The following NOS1AP variants were observed in gnomAD, a reference collection of about 807,000 sequenced individuals.
NOS1AP encodes the protein carboxyl-terminal PDZ ligand of neuronal nitric oxide synthase protein.
Under a neutral mutation model 56.2 loss-of-function variants are expected in NOS1AP, and 21 were observed. That is an observed-to-expected ratio of 0.37 (90% CI 0.26 to 0.54). The LOEUF is 0.54. Ranked by LOEUF, NOS1AP falls within the 20% of genes least tolerant of loss-of-function variation. The pLI is 0.84. For synonymous variants in NOS1AP, 270 were observed against 274.6 expected (o/e 0.98, Z 0.17); for missense variants, 522 against 657.8 (o/e 0.79, Z 2.26).
At position 162,082,936 on chromosome 1, in the gene NOS1AP, G is replaced by A. The variant is rs1395485023; in HGVS notation, c.105+12654G>A. 3.3e-4 allele frequency among the ~76,000 whole-genome samples: 2 copies of A among 6,014 alleles called. 1 individual carries two copies. The highest frequency in any genetic ancestry group is 3.5e-4 in the African/African-American group (2 of 5,662). 3.9% of individuals were successfully genotyped at this position (6,014 alleles called of 152,430 possible). A position where few individuals can be genotyped will look rare whatever the true frequency, so the allele number is the denominator to read the frequency against. On this transcript the variant is annotated intron_variant, in intron 1 of 9. Transcript: ENST00000361897. ...TTTTGAGACGGAGTCTCCCTCTGTC[G>A]CCCAGGCTGGAGTGCAGTGGCGGGA...
At chr1:162,258,602 G>A (rs1206860134) in intron 2 of NOS1AP, among the ~76,000 whole-genome samples, 1 of 152,092 alleles carries the variant, frequency 6.6e-6, no homozygotes, top group East Asian at 1.9e-4. Context: ...CTCCCCATGG[G>A]CTGAACCCTT....
intron 2 of NOS1AP, among the ~76,000 whole-genome samples, chr1:162,174,198 G>T (rs986192536): frequency 3.3e-5 from 5 of 152,122 alleles, no homozygotes; most frequent in Admixed American, 3.3e-4. Context: ...AGAAAATGTG[G>T]CACATATACA....
At chr1:162,150,835 G>A (rs1307082293) in intron 1 of NOS1AP, among the ~76,000 whole-genome samples, 2 of 151,868 alleles carry the variant, frequency 1.3e-5, no homozygotes, top group Non-Finnish European at 2.9e-5. Flanking sequence ...GAGTTGTTTG[G>A]GCTTCTTATA....
intron 6 of NOS1AP, among the ~76,000 whole-genome samples, chr1:162,351,730 T>G (rs1657503045): frequency 6.6e-6 from 1 of 152,158 alleles, no homozygotes; most frequent in African/African-American, 2.4e-5. Context: ...TGTCCCTATG[T>G]CTCCCCCCGA....
intron 2 of NOS1AP, among the ~76,000 whole-genome samples, chr1:162,223,743 T>G (rs1652856671): frequency 6.6e-6 from 1 of 152,210 alleles, no homozygotes; most frequent in Non-Finnish European, 1.5e-5. Flanking sequence ...TTATTAAAAT[T>G]TCAAAGCATG....
At chr1:162,076,722 G>A (rs1348404882) in intron 1 of NOS1AP, among the ~76,000 whole-genome samples, 2 of 152,090 alleles carry the variant, frequency 1.3e-5, no homozygotes, top group Non-Finnish European at 2.9e-5. Flanking sequence ...AAAATTAGCT[G>A]GGCATGATGG....
chr1:162,140,606 A>G (rs1374634267), intron 1 of NOS1AP, among the ~76,000 whole-genome samples: 7 of 152,332 alleles, frequency 4.6e-5, no homozygotes, highest in Middle Eastern at 3.4e-3. Flanking sequence ...TGCAATGAAC[A>G]TATCAGTGCA....
chr1:162,226,134 A>G (rs1437724640), intron 2 of NOS1AP, among the ~76,000 whole-genome samples: 1 of 151,714 alleles, frequency 6.6e-6, no homozygotes, highest in Admixed American at 6.6e-5. Flanking sequence ...TCTCTACTAA[A>G]AATACAAAAT....
intron 1 of NOS1AP, among the ~76,000 whole-genome samples, chr1:162,080,553 A>G (rs1691863047): frequency 1.3e-5 from 2 of 152,232 alleles, no homozygotes; most frequent in South Asian, 4.1e-4. Flanking sequence ...AGCACCCTGT[A>G]ACATTCTGAA....
Position 162,259,898 on chromosome 1 carries a change from T to C in NOS1AP, c.178-27446T>C, listed in dbSNP as rs377575601. ...TTTGTAGTTGTAAAAATCTGTACTC[T>C]GTTGTTTTCTCCTAAGAAACTAAGA... On this transcript the variant is annotated intron_variant, in intron 2 of 9. Transcript: ENST00000361897. Among the ~76,000 whole-genome samples the C allele has an allele frequency of 2.6e-4, 40 of 152,342 alleles. No individual in the cohort carries two copies. In the East Asian group the frequency reaches 5.2e-3, roughly 20 times the overall value.
rs1365814673 is a variant in NOS1AP at position 162,261,518 on chromosome 1, GAGAGAGAGAGAGAGAGAGAGAGAGAGA to G, written c.178-25825_178-25799del. Among the ~76,000 whole-genome samples, 29 of 29,442 alleles carry G rather than the reference GAGAGAGAGAGAGAGAGAGAGAGAGAGA, an allele frequency of 9.8e-4. 7 individuals carry two copies. In the Middle Eastern group the frequency reaches 0.052, roughly 53 times the overall value. The allele number at this position is 29,442 out of a possible 152,430, so 19.3% of individuals were successfully genotyped here. A position where few individuals can be genotyped will look rare whatever the true frequency, so the allele number is the denominator to read the frequency against. ...AGAGAGAGAGAGAGAGAGAGAGAGA[GAGAGAGAGAGAGAGAGAGAGAGAGAGA>G]GCAATGAAATGACTGGAACAGAGGA... On this transcript the variant is annotated intron_variant, in intron 2 of 9. Coordinates refer to ENST00000361897, the MANE Select transcript of NOS1AP (RefSeq NM_014697.3).
intron 2 of NOS1AP, among the ~76,000 whole-genome samples, chr1:162,251,090 G>A (rs985325599): frequency 1.3e-5 from 2 of 151,926 alleles, no homozygotes; most frequent in African/African-American, 4.8e-5. Flanking sequence ...TTGTTTGTTT[G>A]TTTGATAGTG....
chr1:162,123,964 T>C (rs1648364384), intron 1 of NOS1AP, among the ~76,000 whole-genome samples: 2 of 152,218 alleles, frequency 1.3e-5, no homozygotes, highest in Admixed American at 6.5e-5. Context: ...TTATCTTCTC[T>C]ACAGACTTTA....
At chr1:162,269,828 G>A (rs1654532131) in intron 2 of NOS1AP, among the ~76,000 whole-genome samples, 1 of 150,704 alleles carries the variant, frequency 6.6e-6, no homozygotes, top group Admixed American at 6.6e-5. Context: ...TCACTCAGTA[G>A]CCTGATTTCC....
At chr1:162,131,647 G>C (rs1648751590) in intron 1 of NOS1AP, among the ~76,000 whole-genome samples, 1 of 152,016 alleles carries the variant, frequency 6.6e-6, no homozygotes, top group East Asian at 2.0e-4. Flanking sequence ...AAGGTGATTT[G>C]ATTTAGCTGC....
intron 2 of NOS1AP, among the ~76,000 whole-genome samples, chr1:162,170,760 G>A (rs553513247): frequency 2.6e-5 from 4 of 152,018 alleles, no homozygotes; most frequent in African/African-American, 7.2e-5. Context: ...ACCCTGTCTC[G>A]ACTAAAAATA....
intron 2 of NOS1AP, among the ~76,000 whole-genome samples, chr1:162,172,928 G>GT (rs1557818158): frequency 2.6e-4 from 2 of 7,750 alleles, no homozygotes; most frequent in Non-Finnish European, 7.8e-4. Flanking sequence ...CTCAATAGGA[G>GT]GTTTTTTTTT....
chr1:162,214,422 G>A (rs1652478424), intron 2 of NOS1AP, among the ~76,000 whole-genome samples: 1 of 152,330 alleles, frequency 6.6e-6, no homozygotes, highest in Non-Finnish European at 1.5e-5. Context: ...GAAGGAAAGG[G>A]GGAAGTGAGT....
chr1:162,356,317 G>A (rs1657704253), intron 7 of NOS1AP, among the ~76,000 whole-genome samples: 1 of 152,208 alleles, frequency 6.6e-6, no homozygotes, highest in Non-Finnish European at 1.5e-5. Context: ...GGAGACAGAA[G>A]GAAAGGAGGG....
Sources: allele counts gnomAD v4.1 joint callset (sites outside exome capture counted in the v4.1 genomes callset), GRCh38; gene constraint gnomAD v4.1.1; transcripts MANE v1.5; gene names NCBI Gene and HGNC (gene_info 2026-07-23, HGNC 2026-07-21).